Variants in LRP8 observed in about 807,000 individuals in gnomAD.
The protein encoded by LRP8 is LDL receptor related protein 8.
A neutral mutation model predicts 111.6 loss-of-function variants in LRP8; 46 were observed. That is an observed-to-expected ratio of 0.41 (90% confidence interval 0.33 to 0.53). The LOEUF is 0.53. LRP8 is among the 20% of genes least tolerant of loss of function. The pLI, the probability that LRP8 is intolerant of heterozygous loss-of-function variation, is 0.20. For synonymous variants in LRP8, 464 were observed against 511.2 expected (o/e 0.91, Z 1.24); for missense variants, 959 against 1,297.4 (o/e 0.74, Z 4.01).
At chr1:53,277,384 T>C (rs1388952968) in intron 4 of LRP8, among the ~76,000 whole-genome samples, 1 of 152,174 alleles carries the variant, frequency 6.6e-6, no homozygotes, top group African/African-American at 2.4e-5. Context: ...TGAAGGACCC[T>C]GCTATGGTCC....
In LRP8 at chr1:53,260,746, G is replaced by A. The variant is rs773184694; in HGVS notation, c.1915-141C>T. On this transcript the variant is annotated intron_variant, in intron 12 of 18. Coordinates refer to ENST00000306052, the MANE Select transcript of LRP8 (RefSeq NM_004631.5). ...GTCCTGTCTATGGATTCACGGTGGG[G>A]CTCTCAGCCTCTAATCTGTGATGCA... The A allele has an allele frequency of 3.7e-4, 277 of 752,760 alleles. 1 individual carries two copies. Among genetic ancestry groups the A allele is most frequent in the Non-Finnish European group, 7.2e-5 (33 of 458,412 alleles). The allele number at this position is 752,760 out of a possible 1,614,324, so 46.6% of individuals were successfully genotyped here. A position where few individuals can be genotyped will look rare whatever the true frequency, so the allele number is the denominator to read the frequency against.
intron 14 of LRP8, 65 bp from the exon 15 acceptor site, chr1:53,257,529 G>T: frequency 8.1e-7 from 1 of 1,240,998 alleles, no homozygotes; most frequent in Non-Finnish European, 1.2e-6. Context: ...TATTGCCTCT[G>T]AGATATACTT....
chr1:53,327,331 C>A, intron 1 of LRP8: 1 of 285,592 alleles, frequency 3.5e-6, no homozygotes, highest in Non-Finnish European at 6.5e-6. Context: ...GCGCGCCAGG[C>A]GCAGTGGGAG....
intron 2 of LRP8, among the ~76,000 whole-genome samples, chr1:53,296,145 C>T (rs1649675043): frequency 6.6e-6 from 1 of 152,218 alleles, no homozygotes; most frequent in African/African-American, 2.4e-5. Flanking sequence ...CCACCTAGGA[C>T]AGGGAGATGA....
intron 3 of LRP8, among the ~76,000 whole-genome samples, chr1:53,287,558 G>A (rs1375877696): frequency 6.6e-6 from 1 of 152,158 alleles, no homozygotes; most frequent in Non-Finnish European, 1.5e-5. Flanking sequence ...TGTCTCCTGG[G>A]GTGCTGCCTT....
intron 12 of LRP8, 65 bp from the exon 13 acceptor site, chr1:53,260,670 G>T (rs1343522482): frequency 4.5e-6 from 7 of 1,544,870 alleles, no homozygotes. Context: ...AGTCTGAGGG[G>T]TTGGCCCCAA....
At position 53,318,619 on chromosome 1, in the gene LRP8, T is replaced by C. The variant is rs141501502; in HGVS notation, c.244+8254A>G. On this transcript the variant is annotated intron_variant, in intron 2 of 18. Coordinates refer to ENST00000306052, the MANE Select transcript of LRP8 (RefSeq NM_004631.5). ...GCATTGCACAGAGCAGGGAAAAACA[T>C]GGAAGCAACCAAACACACATCTATC... 8.5e-5 allele frequency among the ~76,000 whole-genome samples: 13 copies of C among 152,228 alleles called. No homozygotes were observed. In the East Asian group the frequency reaches 2.3e-3, roughly 27 times the overall value.
At chr1:53,326,017 G>GC (rs147589379) in intron 2 of LRP8, among the ~76,000 whole-genome samples, 4,938 of 152,268 alleles carry the variant, frequency 0.032, 186 homozygotes, top group African/African-American at 0.087. Flanking sequence ...TAAATCAGTC[G>GC]CGCACGCCCA....
intron 18 of LRP8, among the ~76,000 whole-genome samples, chr1:53,247,323 T>C (rs1486000824): frequency 1.3e-5 from 2 of 152,228 alleles, no homozygotes; most frequent in Non-Finnish European, 2.9e-5. Flanking sequence ...TGTAGATTTT[T>C]TCATCATTCT....
At chr1:53,254,240 T>A (rs1645995346) in intron 16 of LRP8, among the ~76,000 whole-genome samples, 1 of 151,966 alleles carries the variant, frequency 6.6e-6, no homozygotes, top group African/African-American at 2.4e-5. Context: ...GCCCCCATGA[T>A]TCTCTGTGAG....
At chr1:53,253,004 A>G (rs1376063056) in intron 16 of LRP8, among the ~76,000 whole-genome samples, 1 of 152,224 alleles carries the variant, frequency 6.6e-6, no homozygotes, top group Non-Finnish European at 1.5e-5. Flanking sequence ...GATGACGTGC[A>G]AGTCAGGAGA....
intron 2 of LRP8, among the ~76,000 whole-genome samples, chr1:53,309,550 C>T (rs1437317172): frequency 1.1e-4 from 16 of 152,130 alleles, no homozygotes; most frequent in Admixed American, 1.0e-3. Context: ...GGCAGGAGCC[C>T]CTTGAAGGAT....
chr1:53,310,114 T>A (rs17108270), intron 2 of LRP8, among the ~76,000 whole-genome samples: 30,290 of 151,982 alleles, frequency 0.2, 3,884 homozygotes, highest in East Asian at 0.59. Context: ...GGGCCCCAGG[T>A]TCACAGGTCT....
At chr1:53,277,135 C>A (rs1401239057) in intron 4 of LRP8, 57 bp from the exon 5 acceptor site, 1 of 1,389,090 alleles carries the variant, frequency 7.2e-7, no homozygotes, top group East Asian at 3.2e-5. Context: ...CGACCTGGGG[C>A]CCCGCTGGTC....
intron 2 of LRP8, among the ~76,000 whole-genome samples, chr1:53,325,445 C>T (rs1655012594): frequency 1.3e-5 from 2 of 152,250 alleles, no homozygotes; most frequent in Non-Finnish European, 2.9e-5. Context: ...AGTCTCATTA[C>T]TTCCAATTTC....
chr1:53,258,834 C>G (rs949794109), intron 13 of LRP8, among the ~76,000 whole-genome samples: 2 of 151,994 alleles, frequency 1.3e-5, no homozygotes, highest in African/African-American at 4.8e-5. Context: ...CATAGCTTAG[C>G]TATACTCTGT....
intron 4 of LRP8, among the ~76,000 whole-genome samples, chr1:53,278,688 C>T (rs1395985166): frequency 6.6e-6 from 1 of 152,020 alleles, no homozygotes; most frequent in Non-Finnish European, 1.5e-5. Flanking sequence ...CCTGCCTGTC[C>T]CCACCCAACT....
At chr1:53,320,485 A>C (rs1265063804) in intron 2 of LRP8, among the ~76,000 whole-genome samples, 5 of 152,178 alleles carry the variant, frequency 3.3e-5, no homozygotes. Context: ...CCTGGGTGCG[A>C]GGAGGCAGCC....
At chr1:53,277,897 A>T (rs1646979611) in intron 4 of LRP8, among the ~76,000 whole-genome samples, 2 of 152,202 alleles carry the variant, frequency 1.3e-5, no homozygotes, top group African/African-American at 4.8e-5. Context: ...GGCCTGGTAC[A>T]GAGCTCCCTG....
Sources: allele counts gnomAD v4.1 joint callset (sites outside exome capture counted in the v4.1 genomes callset), GRCh38; gene constraint gnomAD v4.1.1; transcripts MANE v1.5; gene names NCBI Gene and HGNC (gene_info 2026-07-23, HGNC 2026-07-21).